Variants in CTNNA3 observed in about 807,000 individuals in gnomAD.
CTNNA3 encodes the protein catenin alpha 3.
CTNNA3 carries 76 observed loss-of-function variants against 95.7 expected under a neutral mutation model. The ratio of observed to expected loss-of-function variants is 0.79; its 90% confidence interval spans 0.66 to 0.96. CTNNA3 has a LOEUF of 0.96. Among genes scored for constraint, CTNNA3 ranks in the 40% least tolerant of loss-of-function variants. CTNNA3 has a pLI of 0.00. For missense variants in CTNNA3, 1,191 were observed against 1,089.8 expected (o/e 1.09, Z -1.31); for synonymous variants, 431 against 374.4 (o/e 1.15, Z -1.74).
chr10:67,155,148 T>C (rs1199629121), intron 7 of CTNNA3, among the ~76,000 whole-genome samples: 2 of 147,892 alleles, frequency 1.4e-5, no homozygotes, highest in East Asian at 3.9e-4. Context: ...AAGAAGCATG[T>C]CTCTTTAGTT....
chr10:67,509,191 C>CTTT (rs57346362), intron 5 of CTNNA3, among the ~76,000 whole-genome samples: 1 of 143,392 alleles, frequency 7.0e-6, no homozygotes, highest in Non-Finnish European at 1.5e-5. Flanking sequence ...AGACATGTTT[C>CTTT]TTTTTTTTTT....
intron 9 of CTNNA3, among the ~76,000 whole-genome samples, chr10:66,632,555 C>CAAAAAAA (rs10559608): frequency 3.0e-5 from 3 of 100,942 alleles, no homozygotes; most frequent in African/African-American, 7.7e-5. Flanking sequence ...AACTCCATCT[C>CAAAAAAA]AAAAAAAAAA....
intron 13 of CTNNA3, among the ~76,000 whole-genome samples, chr10:66,272,584 C>G (rs1420833301): frequency 6.6e-6 from 1 of 151,930 alleles, no homozygotes; most frequent in East Asian, 1.9e-4. Context: ...CACAGGGCCT[C>G]AAGCAGTACC....
intron 1 of CTNNA3, among the ~76,000 whole-genome samples, chr10:67,682,281 G>A (rs1840642134): frequency 6.6e-6 from 1 of 151,386 alleles, no homozygotes; most frequent in Non-Finnish European, 1.5e-5. Flanking sequence ...GAGCTGAGAT[G>A]GCACCACTGC....
chr10:66,418,032 T>A (rs2093160681), intron 11 of CTNNA3, among the ~76,000 whole-genome samples: 1 of 147,728 alleles, frequency 6.8e-6, no homozygotes, highest in Admixed American at 6.8e-5. Flanking sequence ...ACTAAATGAA[T>A]CAGAAACTAG....
intron 15 of CTNNA3, among the ~76,000 whole-genome samples, chr10:66,038,480 G>GA (rs887901732): frequency 1.3e-5 from 2 of 151,284 alleles, no homozygotes; most frequent in Non-Finnish European, 3.0e-5. Context: ...GTCTCATTGT[G>GA]AAAAAAAAAT....
intron 15 of CTNNA3, among the ~76,000 whole-genome samples, chr10:65,992,655 C>T (rs1473888071): frequency 6.6e-6 from 1 of 151,922 alleles, no homozygotes; most frequent in Non-Finnish European, 1.5e-5. Context: ...GTCTTGCTAG[C>T]AGGTTATTTA....
chr10:66,249,572 T>C (rs1387478245), intron 13 of CTNNA3, among the ~76,000 whole-genome samples: 9 of 152,102 alleles, frequency 5.9e-5, no homozygotes, highest in Admixed American at 5.9e-4. Context: ...ATCAAAACTA[T>C]AATGAGATAA....
chr10:66,191,240 G>C (rs375641126), intron 13 of CTNNA3, among the ~76,000 whole-genome samples: 84 of 152,170 alleles, frequency 5.5e-4, no homozygotes, highest in African/African-American at 1.9e-3. Context: ...TAGGTTCTTG[G>C]CTTCTTAACA....
chr10:66,605,314 GAAAC>G lies in CTNNA3; in HGVS notation c.1374+16374_1374+16377del, dbSNP rs1405440163. On this transcript the variant is annotated intron_variant, in intron 10 of 17. Coordinates refer to ENST00000433211, the MANE Select transcript of CTNNA3 (RefSeq NM_013266.4). The stretch of plus-strand genomic sequence containing the variant: ...TAAGATAAATATGAGATTATGTAAA[GAAAC>G]AAAATCTATGACTCATTGGTGTCCC... 3.9e-5 allele frequency among the ~76,000 whole-genome samples: 6 copies of G among 152,110 alleles called. No individual in the cohort carries two copies. In the South Asian group the frequency reaches 1.0e-3, roughly 26 times the overall value.
intron 5 of CTNNA3, among the ~76,000 whole-genome samples, chr10:67,380,928 T>C (rs1357906739): frequency 6.6e-6 from 1 of 152,196 alleles, no homozygotes; most frequent in African/African-American, 2.4e-5. Context: ...AGAAATATAA[T>C]ACCAAGAATT....
At chr10:67,196,705 T>G (rs1863384417) in intron 6 of CTNNA3, among the ~76,000 whole-genome samples, 1 of 151,576 alleles carries the variant, frequency 6.6e-6, no homozygotes, top group Non-Finnish European at 1.5e-5. Flanking sequence ...TATCTTTTTA[T>G]ATCAATAATA....
chr10:65,954,483 T>G (rs1159592590), intron 17 of CTNNA3, among the ~76,000 whole-genome samples: 1 of 152,196 alleles, frequency 6.6e-6, no homozygotes, highest in Non-Finnish European at 1.5e-5. Flanking sequence ...CTGAATGGTA[T>G]TGCCTAGGTT....
At chr10:66,115,077 G>A (rs898862639) in intron 13 of CTNNA3, among the ~76,000 whole-genome samples, 49 of 152,012 alleles carry the variant, frequency 3.2e-4, no homozygotes, top group African/African-American at 1.2e-3. Flanking sequence ...TCTGCTTAAG[G>A]TTGAACGTAC....
In CTNNA3 at chr10:66,520,633, G is replaced by A; in HGVS notation, c.1515C>T (p.Asp505=). Residue 505 remains aspartate, a synonymous_variant, in exon 11 of 18, where the codon GAC becomes GAT. Transcript: ENST00000433211. ...AAAACATACCAGATACAGCAAGGAA[G>A]TCATCAATGCTTGTAATGTCATCTA... ...EAVDDITSID[D]FLAVSESHIL... 6.2e-7 allele frequency: 1 copy of A among 1,606,184 alleles called. No homozygotes were observed. The highest frequency in any genetic ancestry group is 8.5e-7 in the Non-Finnish European group (1 of 1,175,864).
intron 6 of CTNNA3, among the ~76,000 whole-genome samples, chr10:67,199,505 G>T (rs1863538500): frequency 6.6e-6 from 1 of 152,088 alleles, no homozygotes; most frequent in African/African-American, 2.4e-5. Flanking sequence ...AAGTAGCTGG[G>T]ACTACAGGCG....
intron 5 of CTNNA3, among the ~76,000 whole-genome samples, chr10:67,376,948 T>A (rs1159007022): frequency 6.6e-6 from 1 of 152,232 alleles, no homozygotes; most frequent in Admixed American, 6.5e-5. Context: ...CCCATAGCTA[T>A]GATGCCTTTT....
chr10:67,324,100 G>A (rs1386249009), intron 5 of CTNNA3, among the ~76,000 whole-genome samples: 9 of 152,124 alleles, frequency 5.9e-5, no homozygotes, highest in Non-Finnish European at 8.8e-5. Flanking sequence ...TGTTGAAGTC[G>A]CTTATCAGGT....
chr10:66,475,921 C>T (rs1839309816), intron 11 of CTNNA3, among the ~76,000 whole-genome samples: 1 of 152,048 alleles, frequency 6.6e-6, no homozygotes, highest in South Asian at 2.1e-4. Context: ...TGCATATGTT[C>T]ATTGCAGCAC....
Sources: allele counts gnomAD v4.1 joint callset (sites outside exome capture counted in the v4.1 genomes callset), GRCh38; gene constraint gnomAD v4.1.1; transcripts MANE v1.5; gene names NCBI Gene and HGNC (gene_info 2026-07-23, HGNC 2026-07-21).